The following ITIH4 variants were observed in gnomAD, a reference collection of about 807,000 sequenced individuals.
The protein encoded by ITIH4 is inter-alpha-trypsin inhibitor heavy chain 4.
Under a neutral mutation model 111.8 loss-of-function variants are expected in ITIH4, and 79 were observed. That is an observed-to-expected ratio of 0.71 (90% CI 0.59 to 0.85). The LOEUF is 0.85. ITIH4 is among the 40% of genes least tolerant of loss of function. ITIH4 has a pLI of 0.00. For synonymous variants in ITIH4, 472 were observed against 468.3 expected (o/e 1.01, Z -0.10); for missense variants, 1,065 against 1,195.8 (o/e 0.89, Z 1.61).
Position 52,824,137 on chromosome 3 carries a change from C to T in ITIH4, c.1171+53G>A, listed in dbSNP as rs567583444. The T allele has an allele frequency of 1.3e-6, 2 of 1,598,588 alleles. No individual in the cohort carries two copies. Among genetic ancestry groups the T allele is most frequent in the South Asian group, 1.1e-5 (1 of 90,346 alleles). On this transcript the variant is annotated intron_variant, in intron 9 of 23. Coordinates refer to ENST00000266041, the MANE Select transcript of ITIH4 (RefSeq NM_002218.5). The surrounding 1 kb of genome is among the most constrained non-coding windows in gnomAD (Gnocchi z 4.3). ...ATCCCACAGCAAGCCCAGGTGCAGC[C>T]CCAGCCGCCTCCCCTGTGCAGCACG...
chr3:52,830,377 A>G (rs1185574559), intron 1 of ITIH4, 176 bp downstream of exon 1: 2 of 711,360 alleles, frequency 2.8e-6, no homozygotes, highest in Admixed American at 2.0e-5. Flanking sequence ...ATTAGGTGGG[A>G]GAATACCAGT....
intron 11 of ITIH4, among the ~76,000 whole-genome samples, chr3:52,821,766 G>T (rs945922276): frequency 1.3e-5 from 2 of 152,146 alleles, no homozygotes; most frequent in Non-Finnish European, 2.9e-5. Flanking sequence ...CTAGCTCGCT[G>T]CCTGGGAAAT....
At position 52,824,199 on chromosome 3, in the gene ITIH4, G is replaced by A. The variant is rs768730406; in HGVS notation, c.1162C>T (p.Pro388Ser). The A allele has an allele frequency of 6.2e-7, 1 of 1,613,286 alleles. No homozygotes were observed. Among genetic ancestry groups the A allele is most frequent in the Non-Finnish European group, 8.5e-7 (1 of 1,179,984 alleles). The change falls in exon 9 of 24, where the codon CCC becomes TCC. Residue 388 changes from proline (P) to serine (S), a missense_variant. Coordinates refer to ENST00000266041, the MANE Select transcript of ITIH4 (RefSeq NM_002218.5). The surrounding 1 kb of genome is among the most constrained non-coding windows in gnomAD (Gnocchi z 4.3). ...SLIILLTDGDPTVGETNPRSI... is the reference protein window; with the variant it reads ...SLIILLTDGDSTVGETNPRSI... Reference sequence around the variant, plus strand: ...CGGGCAGGGCCCTCACCCACAGTGGGGTCGCCATCGGTGAGCAGGATGATG... The same window carrying A: ...CGGGCAGGGCCCTCACCCACAGTGGAGTCGCCATCGGTGAGCAGGATGATG...
Position 52,816,894 on chromosome 3 carries a change from C to A in ITIH4, c.2461G>T (p.Val821Leu), listed in dbSNP as rs1446446693. ...AYKWKETLFS[V>L]MPGLKMTMDK... ...CAGCCTGGGCCTTACCCGGGCATCA[C>A]TGAGAATAGCGTCTCCTTCCACTTG... Residue 821 changes from valine (V) to leucine (L), a missense_variant, in exon 21 of 24, where the codon GTG (valine) becomes TTG (leucine). Val to Leu is a conservative substitution (Grantham distance 32). Transcript: ENST00000266041. 6.2e-7 allele frequency: 1 copy of A among 1,613,504 alleles called. No homozygotes were observed. The highest frequency in any genetic ancestry group is 1.3e-5 in the African/African-American group (1 of 74,916).
At chr3:52,821,259 C>A in intron 11 of ITIH4, 129 bp from the exon 12 acceptor site, 1 of 1,149,250 alleles carries the variant, frequency 8.7e-7, no homozygotes, top group Non-Finnish European at 1.2e-6. Flanking sequence ...GACTGCATTT[C>A]CTTTGAGTGG....
intron 12 of ITIH4, 71 bp from the exon 13 acceptor site, chr3:52,820,856 TG>T: frequency 6.4e-7 from 1 of 1,557,774 alleles, no homozygotes. Context: ...CAGCCCCTTC[TG>T]GGGAGGTCCC....
chr3:52,829,336 T>G, intron 1 of ITIH4, 57 bp from the exon 2 acceptor site: 1 of 1,539,642 alleles, frequency 6.5e-7, no homozygotes, highest in Non-Finnish European at 8.8e-7. Context: ...CAGCTCGGGG[T>G]GACGCTCTTC....
Position 52,818,662 on chromosome 3 carries a change from T to C in ITIH4, c.2078-126A>G, listed in dbSNP as rs1169436842. ...CACATACACTCCACCTAGAATGGCC[T>C]TTGTCACAGGAGATTTTCAAACAGA... On this transcript the variant is annotated intron_variant, in intron 17 of 23. Coordinates refer to ENST00000266041, the MANE Select transcript of ITIH4 (RefSeq NM_002218.5). The C allele has an allele frequency of 5.2e-5, 39 of 749,612 alleles. 1 individual carries two copies. Among genetic ancestry groups the C allele is most frequent in the South Asian group, 4.2e-4 (25 of 59,864 alleles). 46.4% of individuals were successfully genotyped at this position (749,612 alleles called of 1,614,324 possible). A position where few individuals can be genotyped will look rare whatever the true frequency, so the allele number is the denominator to read the frequency against.
intron 17 of ITIH4, 117 bp downstream of exon 17, chr3:52,819,276 A>G: frequency 8.4e-7 from 1 of 1,188,966 alleles, no homozygotes; most frequent in Non-Finnish European, 1.2e-6. Flanking sequence ...TCGTGCCCTC[A>G]GCAGCCGTCC....
chr3:52,827,380 G>A (rs530426689), intron 2 of ITIH4, among the ~76,000 whole-genome samples, 183 bp from the exon 3 acceptor site: 1 of 152,342 alleles, frequency 6.6e-6, no homozygotes, highest in Non-Finnish European at 1.5e-5. Context: ...AGGGCACTCT[G>A]CAAAGTGCTC....
rs1170306519 is a variant in ITIH4 at position 52,826,905 on chromosome 3, A to G, written c.405T>C (p.Ala135=). The G allele has an allele frequency of 6.2e-7, 1 of 1,613,902 alleles. No homozygotes were observed. Among genetic ancestry groups the G allele is most frequent in the African/African-American group, 1.3e-5 (1 of 74,894 alleles). Residue 135 remains alanine, a synonymous_variant, in exon 4 of 24, where the codon GCT becomes GCC. Transcript: ENST00000266041. The part of the protein sequence containing the change: ...MEQFQVSVSV[A]PNAKITFELV... ...GCTCAAAGGTGATCTTGGCATTGGG[A>G]GCCACACTGACCGACACCTGGAACT...
At position 52,824,985 on chromosome 3, in the gene ITIH4, G is replaced by A; in HGVS notation, c.760-27C>T. On this transcript the variant is annotated intron_variant, in intron 6 of 23. Transcript: ENST00000266041. This position sits in a 1 kb window ranked among gnomAD's most constrained non-coding sequence, Gnocchi z 4.3. ...TGTGGCCAGAGTGAGACCCACCCAG[G>A]CCATCAGAGCTACAATTGGCCCTAT... is the stretch of plus-strand genomic sequence containing the variant. 4 of 1,502,048 alleles carry A rather than the reference G, an allele frequency of 2.7e-6. No homozygotes were observed. Among genetic ancestry groups the A allele is most frequent in the Non-Finnish European group, 3.7e-6 (4 of 1,087,854 alleles). The allele number at this position is 1,502,048 out of a possible 1,614,324, so 93.0% of individuals were successfully genotyped here. A position where few individuals can be genotyped will look rare whatever the true frequency, so the allele number is the denominator to read the frequency against.
In ITIH4 at chr3:52,819,990, C is replaced by T; in HGVS notation, c.1862G>A (p.Gly621Asp). ...GESRNRNVHS[G>D]STFFKYYLQG... ...GAGATAATATTTGAAGAAAGTGGAA[C>T]CTGGAAATCAGTGGGACCTGGGTTT... The change falls in exon 15 of 24, where the codon GGT becomes GAT. Residue 621 changes from glycine to aspartate, a missense_variant and splice_region_variant. Coordinates refer to ENST00000266041, the MANE Select transcript of ITIH4 (RefSeq NM_002218.5). The T allele has an allele frequency of 6.2e-7, 1 of 1,614,026 alleles. No individual in the cohort carries two copies. Among genetic ancestry groups the T allele is most frequent in the Non-Finnish European group, 8.5e-7 (1 of 1,179,990 alleles).
Position 52,826,970 on chromosome 3 carries a change from T to A in ITIH4, c.357-17A>T. 1 of 1,613,950 alleles carries A rather than the reference T, an allele frequency of 6.2e-7. No individual in the cohort carries two copies. Among genetic ancestry groups the A allele is most frequent in the Non-Finnish European group, 8.5e-7 (1 of 1,179,928 alleles). ...CCGGTGGCCCTGGGGGAGAAGGGCA[T>A]CAGGCCTGCTCCTCCAGGACAGGTG... On this transcript the variant is annotated splice_polypyrimidine_tract_variant and intron_variant, in intron 3 of 23. Coordinates refer to ENST00000266041, the MANE Select transcript of ITIH4 (RefSeq NM_002218.5).
intron 12 of ITIH4, 26 bp downstream of exon 12, chr3:52,820,965 G>A (rs1212334009): frequency 6.2e-7 from 1 of 1,611,420 alleles, no homozygotes; most frequent in African/African-American, 1.3e-5. Flanking sequence ...CTAGCGACAG[G>A]CTTAGGGAGG....
chr3:52,818,723 T>C (rs1700323039), intron 17 of ITIH4, 187 bp from the exon 18 acceptor site: 2 of 604,852 alleles, frequency 3.3e-6, no homozygotes, highest in African/African-American at 1.9e-5. Flanking sequence ...AGCCTGGCTG[T>C]GCAGCTGCAT....
chr3:52,822,637 T>C (rs1326716919), intron 11 of ITIH4, among the ~76,000 whole-genome samples: 1 of 152,200 alleles, frequency 6.6e-6, no homozygotes, highest in Non-Finnish European at 1.5e-5. Context: ...GACTTCTCCA[T>C]GTCTCCTATC....
chr3:52,814,565 T>C (rs1036856282), intron 21 of ITIH4, among the ~76,000 whole-genome samples: 6 of 152,102 alleles, frequency 3.9e-5, no homozygotes, highest in Non-Finnish European at 2.9e-5. Flanking sequence ...ATGTCTAGTT[T>C]CCCCATCACT....
rs147068040 is a variant in ITIH4 at position 52,830,598 on chromosome 3, G to A, written c.45C>T (p.Val15=). 5.7e-4 allele frequency: 918 copies of A among 1,614,186 alleles called. No individual in the cohort carries two copies. Among genetic ancestry groups the A allele is most frequent in the Non-Finnish European group, 7.2e-4 (851 of 1,180,000 alleles). ...GGTGGATGGCCAGCAGTGAAAGCAG[G>A]ACGAGAACTTTGCTGCAGGTACGGA... is the stretch of plus-strand genomic sequence containing the variant. The part of the protein sequence containing the change: ...RPVRTCSKVL[V]LLSLLAIHQT... The change falls in exon 1 of 24, where the codon GTC becomes GTT. Residue 15 remains valine (V), a synonymous_variant. Coordinates refer to ENST00000266041, the MANE Select transcript of ITIH4 (RefSeq NM_002218.5).
Sources: gnomAD v4.1 joint callset for allele counts (sites outside exome capture counted in the v4.1 genomes callset) on GRCh38, gnomAD v4.1.1 for gene constraint, Gnocchi (gnomAD v3.1) non-coding constraint, MANE v1.5 for transcripts, NCBI Gene and HGNC (gene_info 2026-07-23, HGNC 2026-07-21) for gene names.